Variants in ZNF345 observed in about 807,000 individuals in gnomAD.
The protein encoded by ZNF345 is zinc finger protein 345.
For missense variants in ZNF345, 527 were observed against 589.9 expected, an observed-to-expected ratio of 0.89 and a Z score of 1.10; for synonymous variants, 166 against 187.9, an observed-to-expected ratio of 0.88 and a Z score of 0.95.
downstream of ZNF345, among the ~76,000 whole-genome samples, chr19:36,882,874 C>T (rs917756503): frequency 6.6e-6 from 1 of 152,060 alleles, no homozygotes; most frequent in Admixed American, 6.6e-5. Flanking sequence ...TATTAAGCTT[C>T]GTGATTATAT....
chr19:36,868,045 C>T (rs979324652), intron 2 of ZNF345, among the ~76,000 whole-genome samples: 1 of 148,896 alleles, frequency 6.7e-6, no homozygotes, highest in African/African-American at 2.5e-5. Context: ...CTGTGTCGCC[C>T]AGGCTAGAGT....
upstream of ZNF345, chr19:36,850,592 T>C (rs914000240): frequency 4.6e-5 from 7 of 152,310 alleles, no homozygotes; most frequent in Non-Finnish European, 1.0e-4. Flanking sequence ...TCGCAGGCTA[T>C]GGAGGAGGCC....
chr19:36,868,860 GTGA>G (rs1568356017), intron 2 of ZNF345, among the ~76,000 whole-genome samples: 1 of 151,894 alleles, frequency 6.6e-6, no homozygotes, highest in Admixed American at 6.6e-5. Flanking sequence ...TCCTGACCTC[GTGA>G]TCCACCCGCC....
chr19:36,852,608 A>C (rs2072308120), intron 2 of ZNF345, among the ~76,000 whole-genome samples: 1 of 150,796 alleles, frequency 6.6e-6, no homozygotes, highest in African/African-American at 2.4e-5. Context: ...TCCATCTCAA[A>C]AAAAAAAAAA....
intron 2 of ZNF345, among the ~76,000 whole-genome samples, chr19:36,857,085 T>C (rs76275835): frequency 1.4e-3 from 206 of 152,204 alleles, no homozygotes; most frequent in Non-Finnish European, 2.5e-3. Flanking sequence ...AAAATACATA[T>C]CAACAGCTGT....
At position 36,864,569 on chromosome 19, in the gene ZNF345, TAG is replaced by T. The variant is rs561183710; in HGVS notation, c.-46-12211_-46-12210del. On this transcript the variant is annotated intron_variant, in intron 2 of 2. Transcript: ENST00000420450. Reference sequence around the variant, plus strand: ...TAATAAGAGCAGCCACTACTAATGGTAGAGAGTCCGAGGAAGACGCCCTCCCA... The same window carrying T: ...TAATAAGAGCAGCCACTACTAATGGTAGAGTCCGAGGAAGACGCCCTCCCA... Among the ~76,000 whole-genome samples, 26 of 151,766 alleles carry T rather than the reference TAG, an allele frequency of 1.7e-4. No homozygotes were observed. The South Asian group carries it at 5.2e-3, about 30-fold the overall frequency.
At chr19:36,871,822 C>T (rs2072775881) in intron 2 of ZNF345, among the ~76,000 whole-genome samples, 4 of 152,044 alleles carry the variant, frequency 2.6e-5, no homozygotes, top group Non-Finnish European at 5.9e-5. Flanking sequence ...GGCTGGAGTG[C>T]AATGGTACGA....
chr19:36,867,186 CT>C (rs1202571500), intron 2 of ZNF345, among the ~76,000 whole-genome samples: 1 of 152,180 alleles, frequency 6.6e-6, no homozygotes, highest in Non-Finnish European at 1.5e-5. Flanking sequence ...AATAGTCACA[CT>C]TTTTACCTAC....
intron 2 of ZNF345, among the ~76,000 whole-genome samples, chr19:36,854,230 G>GTT (rs1284179313): frequency 9.5e-5 from 12 of 126,416 alleles, no homozygotes; most frequent in African/African-American, 2.4e-4. Flanking sequence ...TTTAGCCTGG[G>GTT]TTTTGTTTTT....
At chr19:36,882,328 C>T (rs896415678), downstream of ZNF345, among the ~76,000 whole-genome samples, 1 of 151,822 alleles carries the variant, frequency 6.6e-6, no homozygotes, top group African/African-American at 2.4e-5. Flanking sequence ...AGTGCAGTGG[C>T]GTGATCTCGG....
At chr19:36,857,007 C>G (rs763706567) in intron 2 of ZNF345, among the ~76,000 whole-genome samples, 7 of 152,032 alleles carry the variant, frequency 4.6e-5, no homozygotes, top group Non-Finnish European at 7.4e-5. Context: ...ACAGCAAATA[C>G]TTAGAATTCT....
At chr19:36,882,626 G>A (rs2072975717), downstream of ZNF345, among the ~76,000 whole-genome samples, 1 of 151,902 alleles carries the variant, frequency 6.6e-6, no homozygotes, top group African/African-American at 2.4e-5. Context: ...ATTTCTCTTT[G>A]ATTCACTAGT....
chr19:36,875,492 G>C (rs1030003172), intron 2 of ZNF345, among the ~76,000 whole-genome samples: 3 of 152,070 alleles, frequency 2.0e-5, no homozygotes, highest in African/African-American at 7.2e-5. Context: ...TTGGGTGGGG[G>C]GTGCAGGGAG....
At chr19:36,861,220 A>C (rs1179410788) in intron 2 of ZNF345, among the ~76,000 whole-genome samples, 2 of 152,146 alleles carry the variant, frequency 1.3e-5, no homozygotes, top group Non-Finnish European at 2.9e-5. Context: ...CTGGAATGAT[A>C]AGATGTTCCA....
rs2072845076 is a variant in ZNF345 at position 36,874,598 on chromosome 19, T to C, written c.-46-2187T>C. Among the ~76,000 whole-genome samples, 4 of 151,102 alleles carry C rather than the reference T, an allele frequency of 2.6e-5. No homozygotes were observed. In the South Asian group the frequency reaches 8.4e-4, roughly 32 times the overall value. On this transcript the variant is annotated intron_variant, in intron 2 of 2. Coordinates refer to ENST00000420450, the MANE Select transcript of ZNF345 (RefSeq NM_001242472.2). ...GAGTTCAAGACCAGCCTGACCAACA[T>C]AGAGAAACCCTGTATTACTAAAAAT... is the stretch of plus-strand genomic sequence containing the variant.
chr19:36,856,691 A>T (rs2072425544), intron 2 of ZNF345, among the ~76,000 whole-genome samples: 1 of 152,098 alleles, frequency 6.6e-6, no homozygotes, highest in South Asian at 2.1e-4. Context: ...CCCCATTTCT[A>T]TTAAAAATAC....
At chr19:36,868,629 C>CTTTTTTT (rs539327560) in intron 2 of ZNF345, among the ~76,000 whole-genome samples, 2 of 134,660 alleles carry the variant, frequency 1.5e-5, no homozygotes, top group African/African-American at 5.5e-5. Flanking sequence ...TGAGGAGTGG[C>CTTTTTTT]TTTTTTTTTT....
At chr19:36,874,597 A>G (rs1339568193) in intron 2 of ZNF345, among the ~76,000 whole-genome samples, 1 of 151,838 alleles carries the variant, frequency 6.6e-6, no homozygotes, top group Non-Finnish European at 1.5e-5. Flanking sequence ...CCTGACCAAC[A>G]TAGAGAAACC....
intron 3 of ZNF345, chr19:36,892,469 GA>G: frequency 6.4e-7 from 1 of 1,562,214 alleles, no homozygotes; most frequent in Non-Finnish European, 8.6e-7. Flanking sequence ...ATTGATTCCA[GA>G]TCTGAAAGAA....
Sources: gnomAD v4.1 joint callset for allele counts (sites outside exome capture counted in the v4.1 genomes callset) on GRCh38, gnomAD v4.1.1 for gene constraint, MANE v1.5 for transcripts, NCBI Gene and HGNC (gene_info 2026-07-23, HGNC 2026-07-21) for gene names.